The following MTUS1 variants were observed in gnomAD, a reference collection of about 807,000 sequenced individuals.
MTUS1 encodes microtubule associated scaffold protein 1.
A neutral mutation model predicts 120.8 loss-of-function variants in MTUS1; 109 were observed. The ratio of observed to expected loss-of-function variants is 0.90; its 90% CI spans 0.77 to 1.06. MTUS1 has a LOEUF of 1.06. MTUS1 is among the 50% of genes least tolerant of loss of function. The probability of loss-of-function intolerance (pLI) is 0.00; values close to 1 mark genes in which losing one functional copy is unlikely to be tolerated. For missense variants in MTUS1, 2,210 were observed against 1,486.3 expected (o/e 1.49, Z -8.01); for synonymous variants, 737 against 550.5 (o/e 1.34, Z -4.74).
chr8:17,762,428 C>T (rs2049116214), intron 1 of MTUS1, among the ~76,000 whole-genome samples: 1 of 152,198 alleles, frequency 6.6e-6, no homozygotes, highest in African/African-American at 2.4e-5. Flanking sequence ...CAACTTCCTA[C>T]TATTTTTCAT....
intron 1 of MTUS1, among the ~76,000 whole-genome samples, chr8:17,792,601 C>G (rs865892436): frequency 6.6e-6 from 1 of 152,218 alleles, no homozygotes; most frequent in East Asian, 1.9e-4. Context: ...TGGTGGCTTA[C>G]GCCTGTAATC....
At chr8:17,782,408 A>G (rs968302129) in intron 1 of MTUS1, among the ~76,000 whole-genome samples, 2 of 152,178 alleles carry the variant, frequency 1.3e-5, no homozygotes, top group Non-Finnish European at 2.9e-5. Context: ...TCCTAAAACT[A>G]TACATTATCT....
rs142175289 is a variant in MTUS1 at position 17,746,185 on chromosome 8, C to T, written c.2092-2386G>A. The stretch of plus-strand genomic sequence containing the variant: ...ATGAAGACCTAGCCTTGGCCCTGTT[C>T]TCTTTCCTCACCATGTACTCTTCCT... On this transcript the variant is annotated intron_variant, in intron 2 of 14. Transcript: ENST00000693296. Among the ~76,000 whole-genome samples the T allele has an allele frequency of 3.6e-3, 552 of 152,284 alleles. 5 individuals carry two copies. Among genetic ancestry groups the T allele is most frequent in the African/African-American group, 0.013 (537 of 41,554 alleles).
intron 3 of MTUS1, 113 bp downstream of exon 3, chr8:17,743,491 C>A: frequency 1.0e-6 from 1 of 987,250 alleles, no homozygotes; most frequent in Admixed American, 2.6e-5. Context: ...GCTCAGGATG[C>A]TGATCCACAA....
rs538557032 is a variant in MTUS1 at position 17,750,998 on chromosome 8, G to C, written c.2091+2719C>G. On this transcript the variant is annotated intron_variant, in intron 2 of 14. Coordinates refer to ENST00000693296, the MANE Select transcript of MTUS1 (RefSeq NM_001363059.2). ...TCAGTAAACTCAAGGCCTAAGGCAG[G>C]CCAAGGCCAACAAAGCAACAGTAAA... Among the ~76,000 whole-genome samples, 5 of 152,328 alleles carry C rather than the reference G, an allele frequency of 3.3e-5. No individual in the cohort carries two copies. The South Asian group carries it at 6.2e-4, about 19-fold the overall frequency.
chr8:17,713,316 C>G (rs1821698193), intron 5 of MTUS1, 64 bp from the exon 6 acceptor site: 5 of 927,374 alleles, frequency 5.4e-6, no homozygotes, highest in Non-Finnish European at 8.5e-6. Flanking sequence ...TAAAAACAAA[C>G]CATGTTGATA....
chr8:17,732,286 T>C (rs865962927), intron 3 of MTUS1, among the ~76,000 whole-genome samples: 4 of 152,232 alleles, frequency 2.6e-5, no homozygotes, highest in African/African-American at 7.2e-5. Flanking sequence ...CTCTGGTTTA[T>C]GTCCACTGGT....
chr8:17,719,955 T>G (rs1281366699), intron 4 of MTUS1, among the ~76,000 whole-genome samples: 2 of 152,202 alleles, frequency 1.3e-5, no homozygotes, highest in Non-Finnish European at 2.9e-5. Flanking sequence ...ACTTTGAAGA[T>G]GACCCAGTCC....
At chr8:17,702,295 C>G (rs948406042) in intron 6 of MTUS1, among the ~76,000 whole-genome samples, 10 of 152,186 alleles carry the variant, frequency 6.6e-5, no homozygotes, top group African/African-American at 2.4e-4. Flanking sequence ...TATTTTAACT[C>G]ATATTTGGTA....
chr8:17,749,428 G>A (rs989858601), intron 2 of MTUS1, among the ~76,000 whole-genome samples: 1 of 151,990 alleles, frequency 6.6e-6, no homozygotes, highest in African/African-American at 2.4e-5. Flanking sequence ...AGAAGCCGAG[G>A]TGGGCAGATC....
chr8:17,661,132 A>T lies in MTUS1; in HGVS notation c.2906-5067T>A, dbSNP rs1043602071. 3.9e-5 allele frequency among the ~76,000 whole-genome samples: 6 copies of T among 152,342 alleles called. No homozygotes were observed. The East Asian group carries it at 1.2e-3, about 29-fold the overall frequency. On this transcript the variant is annotated intron_variant, in intron 8 of 14. Coordinates refer to ENST00000693296, the MANE Select transcript of MTUS1 (RefSeq NM_001363059.2). ...GAAGTCCAATGTTAGTCAAACGAGTAAACACTGCATTAGCTTCTGCCAAGT... is the reference window on the plus strand; with the variant it reads ...GAAGTCCAATGTTAGTCAAACGAGTTAACACTGCATTAGCTTCTGCCAAGT...
chr8:17,649,904 T>TCTAAC lies in MTUS1; in HGVS notation c.3438_3442dup (p.Glu1148GlyfsTer2), dbSNP rs1473315826. On this transcript the variant is annotated stop_gained and frameshift_variant, in exon 13 of 15. Transcript: ENST00000693296. LOFTEE classifies it high-confidence loss of function. ...TTGATGCAGTTTCTCATTCTTGATC[T>TCTAAC]CTAACACAGCTTTCAGGCTTTCTAA... The TCTAAC allele has an allele frequency of 6.2e-7, 1 of 1,612,526 alleles. No individual in the cohort carries two copies. Among genetic ancestry groups the TCTAAC allele is most frequent in the Non-Finnish European group, 8.5e-7 (1 of 1,178,828 alleles).
At chr8:17,768,665 A>C (rs184904043) in intron 1 of MTUS1, among the ~76,000 whole-genome samples, 2 of 152,302 alleles carry the variant, frequency 1.3e-5, no homozygotes, top group African/African-American at 4.8e-5. Context: ...ATTTTTATAC[A>C]AACAGTCAAA....
intron 6 of MTUS1, chr8:17,693,191 G>T (rs766506441): frequency 6.6e-6 from 1 of 152,192 alleles, no homozygotes; most frequent in African/African-American, 2.4e-5. Flanking sequence ...GAACTAATAT[G>T]TTGAGGTAGA....
At chr8:17,796,896 G>A (rs1364592348) in intron 1 of MTUS1, among the ~76,000 whole-genome samples, 1 of 152,164 alleles carries the variant, frequency 6.6e-6, no homozygotes, top group Non-Finnish European at 1.5e-5. Flanking sequence ...GCAATCACTT[G>A]AGGTCAGGAA....
At position 17,743,758 on chromosome 8, in the gene MTUS1, T is replaced by A. The variant is rs983167157; in HGVS notation, c.2133A>T (p.Ile711=). 1.2e-6 allele frequency: 2 copies of A among 1,614,116 alleles called. No individual in the cohort carries two copies. Among genetic ancestry groups the A allele is most frequent in the Non-Finnish European group, 1.7e-6 (2 of 1,180,024 alleles). Reference sequence around the variant, plus strand: ...TCAAACCGCAGGAGTCAGGCTTGGATATATTCCTACCTGAGGTGGTCGTTG... The same window carrying A: ...TCAAACCGCAGGAGTCAGGCTTGGAAATATTCCTACCTGAGGTGGTCGTTG... The part of the protein sequence containing the change: ...SKTTTTSGRN[I]SKPDSCGLRQ... The change falls in exon 3 of 15, where the codon ATA becomes ATT. Residue 711 remains isoleucine (I), a synonymous_variant. Coordinates refer to ENST00000693296, the MANE Select transcript of MTUS1 (RefSeq NM_001363059.2).
At chr8:17,705,301 A>G (rs111980325) in intron 6 of MTUS1, among the ~76,000 whole-genome samples, 4 of 152,228 alleles carry the variant, frequency 2.6e-5, no homozygotes, top group African/African-American at 9.6e-5. Flanking sequence ...AAGGTTTTTT[A>G]AAGCTTTTGT....
intron 1 of MTUS1, among the ~76,000 whole-genome samples, chr8:17,776,075 G>A (rs2131485654): frequency 6.6e-6 from 1 of 152,236 alleles, no homozygotes. Context: ...ATGCAGCATG[G>A]TGCTGAGTGG....
At chr8:17,767,967 C>G (rs1443553504) in intron 1 of MTUS1, among the ~76,000 whole-genome samples, 2 of 152,136 alleles carry the variant, frequency 1.3e-5, no homozygotes, top group East Asian at 1.9e-4. Context: ...AGTGGCAGCA[C>G]GAGGCAAAGG....
Sources: allele counts gnomAD v4.1 joint callset (sites outside exome capture counted in the v4.1 genomes callset), GRCh38; gene constraint gnomAD v4.1.1; transcripts MANE v1.5; gene names NCBI Gene and HGNC (gene_info 2026-07-23, HGNC 2026-07-21).